Variants in REC114 observed in about 807,000 individuals in gnomAD.
The protein encoded by REC114 is REC114 meiotic recombination protein.
Under a neutral mutation model 31.3 loss-of-function variants are expected in REC114, and 27 were observed. The observed-to-expected ratio is 0.86, with a 90% confidence interval of 0.64 to 1.19. The LOEUF is 1.19. REC114 is among the 50% of genes most tolerant of loss of function. REC114 has a pLI of 0.00. For synonymous variants in REC114, 134 were observed against 127.7 expected, an observed-to-expected ratio of 1.05 and a Z score of -0.33; for missense variants, 344 against 326.9, an observed-to-expected ratio of 1.05 and a Z score of -0.40.
At chr15:73,508,415 C>T (rs1008922953) in intron 2 of REC114, among the ~76,000 whole-genome samples, 11 of 150,160 alleles carry the variant, frequency 7.3e-5, no homozygotes, top group African/African-American at 2.7e-4. Flanking sequence ...TCTACCGCAG[C>T]ACAGTTTCTT....
chr15:73,463,903 A>G (rs774926490), intron 1 of REC114, among the ~76,000 whole-genome samples: 2 of 152,026 alleles, frequency 1.3e-5, no homozygotes, highest in Non-Finnish European at 2.9e-5. Flanking sequence ...TCTTCTATCC[A>G]TGGAATTCAG....
chr15:73,509,091 T>G (rs1383743486), intron 2 of REC114, among the ~76,000 whole-genome samples: 1 of 152,104 alleles, frequency 6.6e-6, no homozygotes, highest in African/African-American at 2.4e-5. Context: ...TTTCTCCACA[T>G]CCTCTCCAGC....
chr15:73,454,333 G>A (rs113928793), intron 1 of REC114, among the ~76,000 whole-genome samples: 8 of 152,084 alleles, frequency 5.3e-5, no homozygotes, highest in East Asian at 1.9e-4. Flanking sequence ...CAGTGTGAAC[G>A]TCCTTAATGG....
At chr15:73,483,095 A>G (rs149711100) in intron 2 of REC114, 284 of 152,172 alleles carry the variant, frequency 1.9e-3, no homozygotes, top group African/African-American at 6.6e-3. Context: ...TTCTCTAATG[A>G]TTAGTGAGAT....
chr15:73,453,325 G>T (rs1293699132), intron 1 of REC114, among the ~76,000 whole-genome samples: 1 of 151,060 alleles, frequency 6.6e-6, no homozygotes, highest in East Asian at 1.9e-4. Context: ...CGAAGGATAT[G>T]TACAAAAGAA....
chr15:73,538,507 A>G (rs1894192165), intron 2 of REC114, among the ~76,000 whole-genome samples: 1 of 143,096 alleles, frequency 7.0e-6, no homozygotes, highest in South Asian at 2.2e-4. Flanking sequence ...CCCAGGCCAG[A>G]CTGCAGTGGC....
At chr15:73,530,207 A>G (rs1028801160) in intron 2 of REC114, among the ~76,000 whole-genome samples, 29 of 152,238 alleles carry the variant, frequency 1.9e-4, no homozygotes, top group African/African-American at 6.3e-4. Context: ...CAAGCACAAT[A>G]TTGTATGTTT....
At chr15:73,554,175 G>T (rs1894429881) in intron 4 of REC114, among the ~76,000 whole-genome samples, 1 of 152,222 alleles carries the variant, frequency 6.6e-6, no homozygotes, top group Non-Finnish European at 1.5e-5. Flanking sequence ...TGAAGCTGCA[G>T]AGCAGATGAT....
intron 1 of REC114, 135 bp downstream of exon 1, chr15:73,443,479 G>A: frequency 9.5e-7 from 1 of 1,053,852 alleles, no homozygotes; most frequent in Non-Finnish European, 1.3e-6. Flanking sequence ...GTTGGGGAAT[G>A]GACAGGCCGA....
At chr15:73,543,115 T>C (rs1894262026) in intron 3 of REC114, among the ~76,000 whole-genome samples, 1 of 152,190 alleles carries the variant, frequency 6.6e-6, no homozygotes, top group Admixed American at 6.5e-5. Context: ...AGCATATTCC[T>C]TTAATTTGCA....
intron 2 of REC114, among the ~76,000 whole-genome samples, chr15:73,528,263 A>T (rs1015294925): frequency 6.6e-6 from 1 of 152,190 alleles, no homozygotes; most frequent in African/African-American, 2.4e-5. Flanking sequence ...AAAAATTTAA[A>T]AATTACCATT....
At chr15:73,514,598 A>G (rs1893832827) in intron 2 of REC114, among the ~76,000 whole-genome samples, 1 of 152,220 alleles carries the variant, frequency 6.6e-6, no homozygotes, top group Non-Finnish European at 1.5e-5. Context: ...ATAGGGATAA[A>G]GTGGAAGTAT....
chr15:73,470,144 A>G (rs765412442), intron 1 of REC114, among the ~76,000 whole-genome samples: 2 of 151,952 alleles, frequency 1.3e-5, no homozygotes, highest in Non-Finnish European at 2.9e-5. Context: ...ATGATTATTG[A>G]TAGGGTTGGG....
In REC114 at chr15:73,473,917, T is replaced by TA; in HGVS notation, c.246dup (p.Leu83ThrfsTer9). On this transcript the variant is annotated frameshift_variant, in exon 2 of 6. Transcript: ENST00000331090. LOFTEE classifies it high-confidence loss of function. The stretch of plus-strand genomic sequence containing the variant: ...TTCTTCATTTTCCAAGGACAGACAC[T>TA]ACTGGTAGGTTTTATGCATAACAGT... The TA allele has an allele frequency of 6.4e-7, 1 of 1,561,934 alleles. No individual in the cohort carries two copies. Among genetic ancestry groups the TA allele is most frequent in the Non-Finnish European group, 8.7e-7 (1 of 1,143,600 alleles).
chr15:73,494,197 T>G (rs768347295), intron 2 of REC114, among the ~76,000 whole-genome samples: 13 of 152,212 alleles, frequency 8.5e-5, no homozygotes, highest in Non-Finnish European at 1.5e-4. Flanking sequence ...TCTACTATTT[T>G]ATATTTGTTT....
intron 2 of REC114, among the ~76,000 whole-genome samples, chr15:73,496,352 A>C (rs1420997687): frequency 2.2e-4 from 25 of 111,526 alleles, no homozygotes; most frequent in African/African-American, 1.1e-3. Flanking sequence ...ACTCCTTCTC[A>C]AAAAAAAAAA....
intron 2 of REC114, among the ~76,000 whole-genome samples, chr15:73,516,347 G>T (rs1355769658): frequency 3.9e-5 from 6 of 151,952 alleles, no homozygotes; most frequent in African/African-American, 1.5e-4. Flanking sequence ...GCATCTGGGG[G>T]TTTTAGAAAG....
At chr15:73,473,106 AGG>A (rs1237779950) in intron 1 of REC114, among the ~76,000 whole-genome samples, 4 of 152,072 alleles carry the variant, frequency 2.6e-5, no homozygotes, top group Admixed American at 6.6e-5. Context: ...TGAAAAATGG[AGG>A]GCTGGGTGCG....
At chr15:73,472,881 T>C (rs1192727686) in intron 1 of REC114, among the ~76,000 whole-genome samples, 1 of 152,182 alleles carries the variant, frequency 6.6e-6, no homozygotes, top group Non-Finnish European at 1.5e-5. Flanking sequence ...ACATAGGTAA[T>C]GAAGTGTCAG....
Sources: gnomAD v4.1 joint callset for allele counts (sites outside exome capture counted in the v4.1 genomes callset) on GRCh38, gnomAD v4.1.1 for gene constraint, MANE v1.5 for transcripts, NCBI Gene and HGNC (gene_info 2026-07-23, HGNC 2026-07-21) for gene names.